The following POT1 variants were observed in gnomAD, a reference collection of about 807,000 sequenced individuals.
The protein encoded by POT1 is protection of telomeres protein 1.
A neutral mutation model predicts 78.5 loss-of-function variants in POT1; 47 were observed. The observed-to-expected ratio is 0.60, with a 90% CI of 0.47 to 0.76. The LOEUF (loss-of-function observed/expected upper bound fraction) is 0.76. Ranked by LOEUF, POT1 falls within the 30% of genes least tolerant of loss-of-function variation. The pLI is 0.00. For missense variants in POT1, 646 were observed against 749.9 expected, an observed-to-expected ratio of 0.86 and a Z score of 1.62; for synonymous variants, 259 against 260.7, an observed-to-expected ratio of 0.99 and a Z score of 0.06.
chr7:124,865,886 A>G (rs762988748), intron 7 of POT1, among the ~76,000 whole-genome samples: 1 of 151,922 alleles, frequency 6.6e-6, no homozygotes, highest in Admixed American at 6.6e-5. Context: ...TAAAGACAAC[A>G]TTTGGGCTAC....
intron 11 of POT1, among the ~76,000 whole-genome samples, chr7:124,848,991 T>G (rs576015267): frequency 2.0e-5 from 3 of 152,260 alleles, no homozygotes; most frequent in African/African-American, 4.8e-5. Flanking sequence ...AAGAAGAACT[T>G]AAGACTTTAA....
chr7:124,855,218 C>CAAAAAA (rs550056711), intron 9 of POT1, among the ~76,000 whole-genome samples: 6 of 52,488 alleles, frequency 1.1e-4, no homozygotes, highest in Admixed American at 2.7e-4. Flanking sequence ...GAGAGGAGAG[C>CAAAAAA]AAAAAAAAAA....
chr7:124,830,102 T>G (rs1484178002), intron 15 of POT1, among the ~76,000 whole-genome samples: 1 of 152,196 alleles, frequency 6.6e-6, no homozygotes, highest in African/African-American at 2.4e-5. Flanking sequence ...ATTAATATTT[T>G]TAGTAAGCAC....
At chr7:124,856,178 G>T (rs1365288566) in intron 9 of POT1, among the ~76,000 whole-genome samples, 2 of 152,000 alleles carry the variant, frequency 1.3e-5, no homozygotes, top group Non-Finnish European at 2.9e-5. Flanking sequence ...CTGGTTCCAG[G>T]TATTTTGACA....
intron 3 of POT1, among the ~76,000 whole-genome samples, chr7:124,902,564 C>T (rs1301945994): frequency 6.6e-6 from 1 of 152,148 alleles, no homozygotes; most frequent in African/African-American, 2.4e-5. Context: ...CCAGCCAATG[C>T]AAAAACATGC....
At chr7:124,859,382 A>T (rs1219168122) in intron 8 of POT1, among the ~76,000 whole-genome samples, 1 of 152,178 alleles carries the variant, frequency 6.6e-6, no homozygotes, top group African/African-American at 2.4e-5. Context: ...TTATACAATA[A>T]AAACAAACCA....
chr7:124,887,349 T>A (rs1241221863), intron 6 of POT1, among the ~76,000 whole-genome samples: 1 of 152,150 alleles, frequency 6.6e-6, no homozygotes, highest in Non-Finnish European at 1.5e-5. Flanking sequence ...TCAGGCTTAG[T>A]ATGAGGTTTA....
intron 3 of POT1, among the ~76,000 whole-genome samples, chr7:124,902,540 A>C (rs796661411): frequency 2.6e-5 from 4 of 152,344 alleles, no homozygotes; most frequent in African/African-American, 9.6e-5. Context: ...AAACATGGAA[A>C]GGAACAATTG....
chr7:124,851,853 T>G lies in POT1; in HGVS notation c.949+19A>C, dbSNP rs752265572. ...TATTTAGCAAGAACTAAACTGTCAA[T>G]GTTAAAGATTATCCTTACTTGGAAA... On this transcript the variant is annotated intron_variant, in intron 11 of 18. Transcript: ENST00000357628. 6 of 1,507,244 alleles carry G rather than the reference T, an allele frequency of 4.0e-6. No individual in the cohort carries two copies. In the South Asian group the frequency reaches 5.6e-5, roughly 14 times the overall value. 93.4% of individuals were successfully genotyped at this position (1,507,244 alleles called of 1,614,324 possible).
At chr7:124,897,655 T>A (rs1182832251) in intron 4 of POT1, among the ~76,000 whole-genome samples, 2 of 151,848 alleles carry the variant, frequency 1.3e-5, no homozygotes, top group South Asian at 2.1e-4. Flanking sequence ...TCACTCTAAC[T>A]GCAAATTTTA....
At chr7:124,903,477 G>A (rs1563014681) in intron 3 of POT1, among the ~76,000 whole-genome samples, 1 of 152,132 alleles carries the variant, frequency 6.6e-6, no homozygotes, top group Non-Finnish European at 1.5e-5. Context: ...TGAAACCAAT[G>A]AGAACAAAGA....
At chr7:124,849,441 C>T (rs548686400) in intron 11 of POT1, among the ~76,000 whole-genome samples, 1 of 152,250 alleles carries the variant, frequency 6.6e-6, no homozygotes, top group South Asian at 2.1e-4. Context: ...TAAGAAAACA[C>T]CTTTCACCTG....
At chr7:124,909,382 C>A (rs554016399) in intron 3 of POT1, among the ~76,000 whole-genome samples, 2 of 151,816 alleles carry the variant, frequency 1.3e-5, no homozygotes, top group Non-Finnish European at 2.9e-5. Context: ...TCAAATACAA[C>A]GCTACCCTTA....
intron 14 of POT1, among the ~76,000 whole-genome samples, chr7:124,839,851 A>G (rs1313097579): frequency 2.0e-5 from 3 of 152,142 alleles, no homozygotes; most frequent in Non-Finnish European, 4.4e-5. Context: ...ATTATCACTC[A>G]AAGTCCACAG....
chr7:124,898,088 G>A (rs1314068780), intron 4 of POT1, among the ~76,000 whole-genome samples, 173 bp downstream of exon 4: 5 of 150,934 alleles, frequency 3.3e-5, no homozygotes, highest in African/African-American at 4.9e-5. Context: ...CTTGTCATTC[G>A]AAAAATAAAA....
At position 124,827,275 on chromosome 7, in the gene POT1, AAC is replaced by A. The variant is rs752220957; in HGVS notation, c.1623_1624del (p.Phe542CysfsTer7). 1 of 1,599,432 alleles carries A rather than the reference AAC, an allele frequency of 6.3e-7. No individual in the cohort carries two copies. The highest frequency in any genetic ancestry group is 8.6e-7 in the Non-Finnish European group (1 of 1,168,972). On this transcript the variant is annotated frameshift_variant, in exon 17 of 19. Coordinates refer to ENST00000357628, the MANE Select transcript of POT1 (RefSeq NM_015450.3). LOFTEE classifies it high-confidence loss of function. ...ATCATCAAGTGTAAAGGTCATAACA[AAC>A]ACATATTGGAGGGGTACAATACCCA...
At chr7:124,844,182 G>A (rs1360774840) in intron 12 of POT1, among the ~76,000 whole-genome samples, 1 of 146,564 alleles carries the variant, frequency 6.8e-6, no homozygotes, top group Non-Finnish European at 1.5e-5. Flanking sequence ...AGGCTGGAGT[G>A]CAATGGTGCG....
intron 6 of POT1, among the ~76,000 whole-genome samples, chr7:124,872,534 G>A (rs540823647): frequency 4.6e-5 from 7 of 152,268 alleles, no homozygotes; most frequent in African/African-American, 1.4e-4. Context: ...TCGAGGTATC[G>A]CAGTGCTTGT....
At chr7:124,861,091 G>A (rs1194069250) in intron 8 of POT1, among the ~76,000 whole-genome samples, 3 of 152,156 alleles carry the variant, frequency 2.0e-5, no homozygotes, top group Non-Finnish European at 4.4e-5. Flanking sequence ...CTTTATAGGA[G>A]AATGATTTAT....
Sources: gnomAD v4.1 joint callset for allele counts (sites outside exome capture counted in the v4.1 genomes callset) on GRCh38, gnomAD v4.1.1 for gene constraint, MANE v1.5 for transcripts, NCBI Gene and HGNC (gene_info 2026-07-23, HGNC 2026-07-21) for gene names.